The following NLGN1 variants were observed in gnomAD, a reference collection of about 807,000 sequenced individuals.
The protein encoded by NLGN1 is neuroligin-1.
NLGN1 carries 12 observed loss-of-function variants against 65.5 expected under a neutral mutation model. That is an observed-to-expected ratio of 0.18 (90% CI 0.12 to 0.30). The LOEUF is 0.30. Ranked by LOEUF, NLGN1 falls within the 10% of genes least tolerant of loss-of-function variation. The pLI is 1.00. For missense variants in NLGN1, 750 were observed against 1,007.1 expected, an observed-to-expected ratio of 0.74 and a Z score of 3.46; for synonymous variants, 350 against 359.5, an observed-to-expected ratio of 0.97 and a Z score of 0.30.
intron 4 of NLGN1, among the ~76,000 whole-genome samples, chr3:173,887,040 A>T (rs1295398916): frequency 6.6e-6 from 1 of 152,066 alleles, no homozygotes; most frequent in Non-Finnish European, 1.5e-5. Flanking sequence ...TTCAGCATGT[A>T]GGTGAAATTT....
intron 3 of NLGN1, among the ~76,000 whole-genome samples, chr3:173,798,565 A>C (rs1277401591): frequency 6.6e-6 from 1 of 152,146 alleles, no homozygotes. Context: ...GCATTTAAAC[A>C]GGGTCATGTT....
At chr3:173,746,895 A>G (rs1906567) in intron 3 of NLGN1, among the ~76,000 whole-genome samples, 101,638 of 151,494 alleles carry the variant, frequency 0.67, 34,346 homozygotes, top group East Asian at 0.86. Context: ...GTATATATAC[A>G]TAAAAAATTA....
chr3:173,784,882 G>A (rs1781715127), intron 3 of NLGN1, among the ~76,000 whole-genome samples: 1 of 152,226 alleles, frequency 6.6e-6, no homozygotes, highest in Non-Finnish European at 1.5e-5. Context: ...GACAAAATTA[G>A]GCAGAGTATC....
chr3:174,140,850 G>A (rs1343077867), intron 4 of NLGN1, among the ~76,000 whole-genome samples: 1 of 152,086 alleles, frequency 6.6e-6, no homozygotes, highest in Non-Finnish European at 1.5e-5. Flanking sequence ...AAATTTTATA[G>A]CCAAAAGTTG....
intron 4 of NLGN1, among the ~76,000 whole-genome samples, chr3:174,153,195 C>T (rs946560482): frequency 2.6e-5 from 4 of 152,022 alleles, no homozygotes; most frequent in African/African-American, 9.7e-5. Context: ...CTCCCTTATT[C>T]GACTTTTCCT....
intron 4 of NLGN1, among the ~76,000 whole-genome samples, chr3:174,176,502 T>A (rs1729471828): frequency 6.6e-6 from 1 of 151,992 alleles, no homozygotes; most frequent in Non-Finnish European, 1.5e-5. Flanking sequence ...GTGGTGAGAC[T>A]CCCTTTCTCT....
At chr3:174,040,429 C>T (rs1732018478) in intron 4 of NLGN1, among the ~76,000 whole-genome samples, 1 of 151,982 alleles carries the variant, frequency 6.6e-6, no homozygotes, top group South Asian at 2.1e-4. Flanking sequence ...CTATCTTTGA[C>T]CTTGAAGGGG....
At chr3:173,619,780 T>C (rs1384385698) in intron 3 of NLGN1, among the ~76,000 whole-genome samples, 2 of 152,114 alleles carry the variant, frequency 1.3e-5, no homozygotes, top group Non-Finnish European at 2.9e-5. Flanking sequence ...CTATGGGAAA[T>C]AAGTAAAATT....
In NLGN1 at chr3:173,448,351, T is replaced by C. The variant is rs1720787277; in HGVS notation, c.-321+13273T>C. Among the ~76,000 whole-genome samples, 3 of 152,258 alleles carry C rather than the reference T, an allele frequency of 2.0e-5. No homozygotes were observed. The South Asian group carries it at 6.2e-4, about 31-fold the overall frequency. ...ATTTTTGTCTTTGGTTCTGTTTATA[T>C]GCTGGATTACGTTTATTGATTTTCA... On this transcript the variant is annotated intron_variant, in intron 2 of 6. Coordinates refer to ENST00000457714, the Ensembl canonical transcript of NLGN1.
intron 3 of NLGN1, 136 bp downstream of exon 2, chr3:173,605,227 G>C (rs1427848332): frequency 1.1e-5 from 8 of 697,158 alleles, no homozygotes. Flanking sequence ...TTACATGCGT[G>C]CATGGTGCTC....
At chr3:174,177,156 G>A (rs1729608370) in intron 4 of NLGN1, among the ~76,000 whole-genome samples, 1 of 152,058 alleles carries the variant, frequency 6.6e-6, no homozygotes, top group South Asian at 2.1e-4. Context: ...GATTTGGGCT[G>A]TATAGACATT....
intron 1 of NLGN1, among the ~76,000 whole-genome samples, chr3:173,434,463 T>C (rs1293804594): frequency 6.6e-6 from 1 of 152,176 alleles, no homozygotes; most frequent in Non-Finnish European, 1.5e-5. Context: ...AATATTTGAA[T>C]AAATGTTTCA....
At chr3:174,079,877 G>T (rs1378615504) in intron 4 of NLGN1, among the ~76,000 whole-genome samples, 2 of 152,054 alleles carry the variant, frequency 1.3e-5, no homozygotes, top group Non-Finnish European at 2.9e-5. Context: ...ACACACTGGG[G>T]CCTATTGAAG....
chr3:173,954,759 T>A (rs991421112), intron 4 of NLGN1, among the ~76,000 whole-genome samples: 3 of 152,170 alleles, frequency 2.0e-5, no homozygotes, highest in Non-Finnish European at 4.4e-5. Flanking sequence ...CTCTCCTTTT[T>A]AGTTTATTTT....
chr3:173,800,488 C>T (rs1715225203), intron 3 of NLGN1: 2 of 207,798 alleles, frequency 9.6e-6, no homozygotes, highest in Admixed American at 6.0e-5. Flanking sequence ...TGTCTTCTTG[C>T]TTGTTGTTAC....
At chr3:173,428,884 C>T (rs1196157538) in intron 1 of NLGN1, among the ~76,000 whole-genome samples, 1 of 151,772 alleles carries the variant, frequency 6.6e-6, no homozygotes, top group Non-Finnish European at 1.5e-5. Context: ...TTAATTAGAG[C>T]TCCTTTATAT....
chr3:173,683,392 A>C (rs1054126324), intron 3 of NLGN1, among the ~76,000 whole-genome samples: 2 of 152,094 alleles, frequency 1.3e-5, no homozygotes, highest in Non-Finnish European at 2.9e-5. Context: ...ATAGAGTTGA[A>C]ATTCCCCCAG....
intron 4 of NLGN1, among the ~76,000 whole-genome samples, chr3:174,108,969 T>C (rs964533274): frequency 6.6e-6 from 1 of 152,102 alleles, no homozygotes; most frequent in Admixed American, 6.6e-5. Flanking sequence ...CACACACATA[T>C]ATAACAGGTT....
At chr3:173,468,845 T>G (rs767869225) in intron 2 of NLGN1, among the ~76,000 whole-genome samples, 12 of 151,936 alleles carry the variant, frequency 7.9e-5, no homozygotes, top group Non-Finnish European at 1.5e-4. Context: ...AAAAAAAAAT[T>G]GTTCTAAGAG....
Sources: allele counts gnomAD v4.1 joint callset (sites outside exome capture counted in the v4.1 genomes callset), GRCh38; gene constraint gnomAD v4.1.1; transcripts MANE v1.5; gene names NCBI Gene and HGNC (gene_info 2026-07-23, HGNC 2026-07-21).